KLHL1: variants seen among roughly 807,000 people sequenced by gnomAD.
The protein encoded by KLHL1 is kelch-like protein 1.
In KLHL1, 47 loss-of-function variants were observed where a neutral mutation model predicts 77.7. The observed-to-expected ratio is 0.60, with a 90% confidence interval of 0.48 to 0.77. The LOEUF is 0.77. Among genes scored for constraint, KLHL1 ranks in the 30% least tolerant of loss-of-function variants. The probability of loss-of-function intolerance (pLI) is 0.00; values close to 1 mark genes in which losing one functional copy is unlikely to be tolerated. For missense variants in KLHL1, 925 were observed against 910.8 expected, an observed-to-expected ratio of 1.02 and a Z score of -0.20; for synonymous variants, 360 against 325.2, an observed-to-expected ratio of 1.11 and a Z score of -1.15.
chr13:70,072,225 A>G (rs1887153778), intron 1 of KLHL1, among the ~76,000 whole-genome samples: 1 of 152,122 alleles, frequency 6.6e-6, no homozygotes, highest in Non-Finnish European at 1.5e-5. Flanking sequence ...CCTGAAGGAC[A>G]CAATTGACCA....
At chr13:69,787,540 C>G (rs549918479) in intron 7 of KLHL1, among the ~76,000 whole-genome samples, 2 of 152,174 alleles carry the variant, frequency 1.3e-5, no homozygotes, top group African/African-American at 4.8e-5. Flanking sequence ...CATGTTAGAC[C>G]TAAAACCATA....
chr13:69,703,361 T>G (rs935083886), intron 10 of KLHL1, among the ~76,000 whole-genome samples: 1 of 151,530 alleles, frequency 6.6e-6, no homozygotes, highest in African/African-American at 2.4e-5. Flanking sequence ...GAAAAAAAAT[T>G]ATACAGCTGG....
chr13:69,747,314 T>G (rs571797416), intron 7 of KLHL1, among the ~76,000 whole-genome samples: 124 of 152,148 alleles, frequency 8.1e-4, no homozygotes, highest in South Asian at 1.4e-3. Flanking sequence ...TTGTATTGAT[T>G]GTCATTGTTT....
chr13:69,939,139 A>G (rs1416133538), intron 4 of KLHL1, among the ~76,000 whole-genome samples: 3 of 151,168 alleles, frequency 2.0e-5, no homozygotes, highest in Admixed American at 6.6e-5. Flanking sequence ...ATGCTATTAA[A>G]TGCTTTTAGA....
chr13:69,993,924 C>T (rs1280560443), intron 1 of KLHL1, among the ~76,000 whole-genome samples: 3 of 151,890 alleles, frequency 2.0e-5, no homozygotes, highest in Non-Finnish European at 2.9e-5. Context: ...TTCAAAATAT[C>T]CAGAGTAGAG....
chr13:69,770,304 G>A (rs78322122), intron 7 of KLHL1, among the ~76,000 whole-genome samples: 2,176 of 152,312 alleles, frequency 0.014, 55 homozygotes, highest in African/African-American at 0.05. Context: ...GCAGCCTGCT[G>A]GCCCGAGTGG....
At chr13:69,797,036 A>C in intron 6 of KLHL1, 74 bp from the exon 7 acceptor site, 1 of 1,222,538 alleles carries the variant, frequency 8.2e-7, no homozygotes, top group Non-Finnish European at 1.2e-6. Context: ...CAGGGTACAA[A>C]TTAGGATGTG....
Position 70,057,149 on chromosome 13 carries a change from G to A in KLHL1, c.497+50054C>T, listed in dbSNP as rs146673618. Among the ~76,000 whole-genome samples the A allele has an allele frequency of 7.2e-3, 1,095 of 152,154 alleles. 6 individuals are homozygous for A. Among genetic ancestry groups the A allele is most frequent in the Admixed American group, 0.012 (185 of 15,276 alleles). On this transcript the variant is annotated intron_variant, in intron 1 of 10. Coordinates refer to ENST00000377844, the MANE Select transcript of KLHL1 (RefSeq NM_020866.3). ...GCAAATGATCATTAGAGACTGCTGA[G>A]AGCAACTATATGCCAATAACTTTGA...
At chr13:69,731,584 G>A (rs766104180) in intron 8 of KLHL1, among the ~76,000 whole-genome samples, 5 of 152,132 alleles carry the variant, frequency 3.3e-5, no homozygotes, top group Non-Finnish European at 5.9e-5. Context: ...GATATTGAGA[G>A]TGATTATAGT....
intron 4 of KLHL1, among the ~76,000 whole-genome samples, chr13:69,929,014 T>C (rs1226241260): frequency 6.6e-6 from 1 of 152,142 alleles, no homozygotes; most frequent in African/African-American, 2.4e-5. Context: ...TCAAATAATG[T>C]TTTGTGGGGA....
intron 1 of KLHL1, among the ~76,000 whole-genome samples, chr13:69,989,333 G>T (rs1191245082): frequency 1.3e-5 from 2 of 151,986 alleles, no homozygotes; most frequent in Admixed American, 1.3e-4. Context: ...TTTTGTACTA[G>T]TATCATGTTG....
At chr13:70,023,145 T>A (rs1029754652) in intron 1 of KLHL1, among the ~76,000 whole-genome samples, 1 of 151,874 alleles carries the variant, frequency 6.6e-6, no homozygotes, top group African/African-American at 2.4e-5. Context: ...CAGATAACAT[T>A]ATCACCAGGT....
At chr13:69,723,685 A>T (rs1242890679) in intron 8 of KLHL1, among the ~76,000 whole-genome samples, 2 of 152,116 alleles carry the variant, frequency 1.3e-5, no homozygotes, top group Admixed American at 6.6e-5. Flanking sequence ...CATAGACCTT[A>T]AGTCTGATAT....
At chr13:69,712,900 C>T (rs1205872607) in intron 9 of KLHL1, among the ~76,000 whole-genome samples, 1 of 151,780 alleles carries the variant, frequency 6.6e-6, no homozygotes. Context: ...ACCACAATCT[C>T]TGGTGCTCAA....
At chr13:69,741,075 T>C (rs1013547691) in intron 7 of KLHL1, among the ~76,000 whole-genome samples, 3 of 152,154 alleles carry the variant, frequency 2.0e-5, no homozygotes, top group African/African-American at 7.2e-5. Flanking sequence ...TTTCTGTGCT[T>C]TGGTTTCCCA....
chr13:69,943,762 A>C (rs867596710), intron 3 of KLHL1, among the ~76,000 whole-genome samples: 3 of 152,166 alleles, frequency 2.0e-5, no homozygotes, highest in South Asian at 2.1e-4. Context: ...TTATTCATAT[A>C]TACCCTTCAA....
chr13:69,807,962 G>A lies in KLHL1; in HGVS notation c.1415-11000C>T, dbSNP rs925306853. Among the ~76,000 whole-genome samples the A allele has an allele frequency of 5.3e-5, 8 of 152,252 alleles. 1 individual carries two copies. The Middle Eastern group carries it at 0.02, about 388-fold the overall frequency. On this transcript the variant is annotated intron_variant, in intron 6 of 10. Transcript: ENST00000377844. ...AGCTCTGAAGAATAAGAAGGAGGCA[G>A]ATGTCACTCTCCTGGAGATCTAAAC...
chr13:69,784,929 G>C (rs867481135), intron 7 of KLHL1, among the ~76,000 whole-genome samples: 1 of 116,004 alleles, frequency 8.6e-6, no homozygotes, highest in Non-Finnish European at 1.6e-5. Context: ...TCGCTCTGTC[G>C]CCCAGGCTGG....
In KLHL1 at chr13:69,845,643, C is replaced by A. The variant is rs190295436; in HGVS notation, c.1228-6481G>T. Among the ~76,000 whole-genome samples, 547 of 151,454 alleles carry A rather than the reference C, an allele frequency of 3.6e-3. 2 individuals carry two copies. Among genetic ancestry groups the A allele is most frequent in the Non-Finnish European group, 5.3e-3 (358 of 67,614 alleles). On this transcript the variant is annotated intron_variant, in intron 5 of 10. Coordinates refer to ENST00000377844, the MANE Select transcript of KLHL1 (RefSeq NM_020866.3). ...AAATTTCAAGTACATTTTATAAACACACAAAAAATGAGATACTGTATTTCT... is the reference window on the plus strand; with the variant it reads ...AAATTTCAAGTACATTTTATAAACAAACAAAAAATGAGATACTGTATTTCT...
Sources: allele counts gnomAD v4.1 joint callset (sites outside exome capture counted in the v4.1 genomes callset), GRCh38; gene constraint gnomAD v4.1.1; transcripts MANE v1.5; gene names NCBI Gene and HGNC (gene_info 2026-07-23, HGNC 2026-07-21).